RALGAPA2: variants seen among roughly 807,000 people sequenced by gnomAD.
RALGAPA2 encodes ral GTPase-activating protein subunit alpha-2.
In RALGAPA2, 139 loss-of-function variants were observed where a neutral mutation model predicts 230.4. The observed-to-expected ratio is 0.60, with a 90% CI of 0.53 to 0.69. The LOEUF (loss-of-function observed/expected upper bound fraction) is 0.69, where lower values mean the gene tolerates loss of function less well. Among genes scored for constraint, RALGAPA2 ranks in the 30% least tolerant of loss-of-function variants. The probability of loss-of-function intolerance (pLI) is 0.00; values close to 1 mark genes in which losing one functional copy is unlikely to be tolerated. For synonymous variants in RALGAPA2, 847 were observed against 837.8 expected, an observed-to-expected ratio of 1.01 and a Z score of -0.19; for missense variants, 2,163 against 2,276.0, an observed-to-expected ratio of 0.95 and a Z score of 1.01.
chr20:20,505,884 C>T (rs1425467404), intron 33 of RALGAPA2, among the ~76,000 whole-genome samples: 1 of 152,182 alleles, frequency 6.6e-6, no homozygotes, highest in Non-Finnish European at 1.5e-5. Flanking sequence ...AAGGCTGGGG[C>T]ACACCATTTG....
intron 37 of RALGAPA2, among the ~76,000 whole-genome samples, chr20:20,416,282 TGGA>T (rs1193975683): frequency 1.3e-5 from 2 of 152,184 alleles, no homozygotes; most frequent in African/African-American, 4.8e-5. Context: ...GTAGGTAAGC[TGGA>T]GGAGAGTTCT....
intron 39 of RALGAPA2, among the ~76,000 whole-genome samples, chr20:20,395,250 G>C (rs2059687226): frequency 6.6e-6 from 1 of 152,250 alleles, no homozygotes; most frequent in African/African-American, 2.4e-5. Context: ...CTGGTCCCCA[G>C]CTTTCTGCTG....
chr20:20,394,404 G>A (rs554580962), intron 39 of RALGAPA2, among the ~76,000 whole-genome samples: 13 of 152,122 alleles, frequency 8.5e-5, no homozygotes, highest in South Asian at 4.1e-4. Context: ...GCAGCCGGGC[G>A]CGGTGGGCGG....
chr20:20,609,783 A>C (rs2065924865), intron 14 of RALGAPA2, among the ~76,000 whole-genome samples: 1 of 152,222 alleles, frequency 6.6e-6, no homozygotes, highest in Admixed American at 6.5e-5. Context: ...TGCAGTGTCC[A>C]TATGTCCAGG....
chr20:20,394,922 G>GAAAAAAAAAAAAAAAAAAAAAA (rs2059680202), intron 39 of RALGAPA2, among the ~76,000 whole-genome samples: 1 of 113,674 alleles, frequency 8.8e-6, no homozygotes, highest in African/African-American at 3.1e-5. Flanking sequence ...GCAAGTAAAT[G>GAAAAAAAAAAAAAAAAAAAAAA]AAAGATATAA....
chr20:20,482,312 T>G (rs1242152419), intron 36 of RALGAPA2, among the ~76,000 whole-genome samples: 1 of 152,046 alleles, frequency 6.6e-6, no homozygotes, highest in Non-Finnish European at 1.5e-5. Flanking sequence ...GGTAAAACAA[T>G]GTATTCAAGA....
Position 20,512,540 on chromosome 20 carries a change from T to G in RALGAPA2, c.4829A>C (p.Asp1610Ala). ...PFYFCRLLLD[D>A]LGMNSWDRRK... ...TCTGTCCCAAGAATTCATTCCCAAG[T>G]CATCAAGCAATAACCTGCAGAAATA... Residue 1610 changes from aspartate (D) to alanine (A), a missense_variant, in exon 32 of 40, where the codon GAC becomes GCC. By Grantham distance (126) the Asp-to-Ala change is moderately radical. Transcript: ENST00000202677. 6.2e-7 allele frequency: 1 copy of G among 1,607,944 alleles called. No homozygotes were observed. The highest frequency in any genetic ancestry group is 8.5e-7 in the Non-Finnish European group (1 of 1,177,866).
intron 8 of RALGAPA2, among the ~76,000 whole-genome samples, chr20:20,636,558 ATGTG>A (rs1290152116): frequency 8.2e-5 from 11 of 134,770 alleles, no homozygotes; most frequent in South Asian, 2.4e-4. Context: ...GTGTGTGTGT[ATGTG>A]TGTGTGTGTG....
intron 18 of RALGAPA2, 72 bp from the exon 19 acceptor site, chr20:20,585,027 C>G: frequency 1.1e-6 from 1 of 893,430 alleles, no homozygotes; most frequent in Non-Finnish European, 1.7e-6. Flanking sequence ...GTTTCTAGCC[C>G]AAATTTCTAA....
intron 16 of RALGAPA2, among the ~76,000 whole-genome samples, chr20:20,592,716 C>A (rs574429715): frequency 6.6e-6 from 1 of 152,278 alleles, no homozygotes; most frequent in East Asian, 1.9e-4. Context: ...AATGGGCCAC[C>A]CTCTGTATAA....
chr20:20,551,111 G>A (rs537544071), intron 23 of RALGAPA2, among the ~76,000 whole-genome samples: 1 of 152,246 alleles, frequency 6.6e-6, no homozygotes, highest in Non-Finnish European at 1.5e-5. Flanking sequence ...AATACTGAAA[G>A]AAAAACAGGA....
intron 3 of RALGAPA2, among the ~76,000 whole-genome samples, chr20:20,658,907 G>C (rs886875936): frequency 1.3e-5 from 2 of 152,208 alleles, no homozygotes; most frequent in Admixed American, 1.3e-4. Flanking sequence ...AGCTAGGACA[G>C]TGAAGAATGA....
At chr20:20,581,560 C>T (rs997998944) in intron 20 of RALGAPA2, among the ~76,000 whole-genome samples, 4 of 152,170 alleles carry the variant, frequency 2.6e-5, no homozygotes, top group African/African-American at 9.7e-5. Flanking sequence ...GTCTCAATCT[C>T]CCCATCTCTA....
chr20:20,676,221 C>A lies in RALGAPA2; in HGVS notation c.270+15G>T. 2 of 1,476,926 alleles carry A rather than the reference C, an allele frequency of 1.4e-6. No homozygotes were observed. Among genetic ancestry groups the A allele is most frequent in the Non-Finnish European group, 1.9e-6 (2 of 1,077,252 alleles). The allele number at this position is 1,476,926 out of a possible 1,614,324, so 91.5% of individuals were successfully genotyped here. On this transcript the variant is annotated intron_variant, in intron 3 of 39. Transcript: ENST00000202677. ...ACAAGAATTATAAAAGCTAAATAAA[C>A]TCATCAAAACTTACTTCAAAAAGGA...
chr20:20,530,839 A>G (rs2063350305), intron 27 of RALGAPA2, among the ~76,000 whole-genome samples: 1 of 152,128 alleles, frequency 6.6e-6, no homozygotes, highest in African/African-American at 2.4e-5. Flanking sequence ...CTTACCCCTG[A>G]ACTAAGAACT....
intron 1 of RALGAPA2, among the ~76,000 whole-genome samples, chr20:20,701,591 T>C (rs773102536): frequency 2.6e-5 from 4 of 151,520 alleles, no homozygotes; most frequent in East Asian, 2.0e-4. Flanking sequence ...ACAAAAAAAT[T>C]AGCCGGCACA....
In RALGAPA2 at chr20:20,573,088, T is replaced by G; in HGVS notation, c.2708-20A>C. On this transcript the variant is annotated intron_variant, in intron 20 of 39. Transcript: ENST00000202677. Reference sequence around the variant, plus strand: ...TGCTATCTATGCAGAAAAACATGTCTGTTAACCCTGTAAACAATCTTGATT... The same window carrying G: ...TGCTATCTATGCAGAAAAACATGTCGGTTAACCCTGTAAACAATCTTGATT... 1 of 1,564,432 alleles carries G rather than the reference T, an allele frequency of 6.4e-7. No individual in the cohort carries two copies. Among genetic ancestry groups the G allele is most frequent in the Non-Finnish European group, 8.7e-7 (1 of 1,150,490 alleles).
At chr20:20,644,062 C>CA (rs2146534827) in intron 4 of RALGAPA2, among the ~76,000 whole-genome samples, 1 of 152,212 alleles carries the variant, frequency 6.6e-6, no homozygotes, top group East Asian at 1.9e-4. Flanking sequence ...CAGTCAACTA[C>CA]AAAAACTGGT....
intron 37 of RALGAPA2, among the ~76,000 whole-genome samples, chr20:20,418,763 G>A (rs920930322): frequency 6.6e-5 from 10 of 152,044 alleles, no homozygotes; most frequent in Non-Finnish European, 1.2e-4. Context: ...TTTATAGACA[G>A]GGTCTCACTG....
Sources: allele counts gnomAD v4.1 joint callset (sites outside exome capture counted in the v4.1 genomes callset), GRCh38; gene constraint gnomAD v4.1.1; transcripts MANE v1.5; gene names NCBI Gene and HGNC (gene_info 2026-07-23, HGNC 2026-07-21).